Variants in ANKRD44 observed in about 807,000 individuals in gnomAD.
The protein encoded by ANKRD44 is serine/threonine-protein phosphatase 6 regulatory ankyrin repeat subunit B.
ANKRD44 carries 35 observed loss-of-function variants against 116.0 expected under a neutral mutation model. The observed-to-expected ratio is 0.30, with a 90% confidence interval of 0.23 to 0.40. ANKRD44 has a LOEUF of 0.40. Among genes scored for constraint, ANKRD44 ranks in the 10% least tolerant of loss-of-function variants. ANKRD44 has a pLI of 1.00. For synonymous variants in ANKRD44, 435 were observed against 461.8 expected, an observed-to-expected ratio of 0.94 and a Z score of 0.74; for missense variants, 1,014 against 1,242.6, an observed-to-expected ratio of 0.82 and a Z score of 2.77.
At position 197,293,636 on chromosome 2, in the gene ANKRD44, A is replaced by G. The variant is rs2083633572; in HGVS notation, c.27+16942T>C. 2.0e-5 allele frequency among the ~76,000 whole-genome samples: 3 copies of G among 152,326 alleles called. No individual in the cohort carries two copies. In the South Asian group the frequency reaches 6.2e-4, roughly 32 times the overall value. ...GAATTTTGGGGATGAGGGCATGGGA[A>G]AGCCTTAGTATTTCAGGATTATTAC... On this transcript the variant is annotated intron_variant, in intron 1 of 27. Transcript: ENST00000282272.
chr2:197,305,967 T>TATATA lies in ANKRD44; in HGVS notation c.27+4610_27+4611insTATAT, dbSNP rs2084057380. ...TTTCCTATAATGACCGCAGTTCGTT[T>TATATA]TATATATATATATATATATATATAT... On this transcript the variant is annotated intron_variant, in intron 1 of 27. Transcript: ENST00000282272. Among the ~76,000 whole-genome samples, 1,073 of 124,722 alleles carry TATATA rather than the reference T, an allele frequency of 8.6e-3. 33 individuals carry two copies. The highest frequency in any genetic ancestry group is 0.036 in the African/African-American group (1,004 of 27,526). The allele number at this position is 124,722 out of a possible 152,430, so 81.8% of individuals were successfully genotyped here. A position where few individuals can be genotyped will look rare whatever the true frequency, so the allele number is the denominator to read the frequency against.
intron 1 of ANKRD44, among the ~76,000 whole-genome samples, chr2:197,211,653 CA>C (rs1439068106): frequency 6.6e-6 from 1 of 152,052 alleles, no homozygotes; most frequent in Non-Finnish European, 1.5e-5. Context: ...GTACATTTCT[CA>C]GGGGTACCAC....
intron 16 of ANKRD44, among the ~76,000 whole-genome samples, chr2:197,075,216 AG>A (rs1164489953): frequency 5.3e-5 from 8 of 152,224 alleles, no homozygotes; most frequent in Non-Finnish European, 1.2e-4. Context: ...AAAGCCTCAA[AG>A]ATCTTTATGT....
At chr2:197,289,039 T>A (rs1341145803) in intron 1 of ANKRD44, among the ~76,000 whole-genome samples, 1 of 152,188 alleles carries the variant, frequency 6.6e-6, no homozygotes, top group Non-Finnish European at 1.5e-5. Context: ...TATTTCAAAG[T>A]AACTAGAAGA....
At chr2:197,005,047 A>G (rs2076178240) in intron 21 of ANKRD44, among the ~76,000 whole-genome samples, 1 of 152,138 alleles carries the variant, frequency 6.6e-6, no homozygotes, top group South Asian at 2.1e-4. Context: ...CAAAAAATAT[A>G]CACATTAATT....
Position 197,086,160 on chromosome 2 carries a change from T to C in ANKRD44, c.1316+520A>G, listed in dbSNP as rs547625745. The stretch of plus-strand genomic sequence containing the variant: ...AAAGAGATGCAATGGGAAAAAAAAT[T>C]ATATATATACATGAAAAATATATAT... On this transcript the variant is annotated intron_variant, in intron 13 of 27. Transcript: ENST00000282272. Among the ~76,000 whole-genome samples, 16 of 151,864 alleles carry C rather than the reference T, an allele frequency of 1.1e-4. 1 individual carries two copies. The East Asian group carries it at 3.1e-3, about 29-fold the overall frequency.
At chr2:197,284,386 T>C (rs1486758150) in intron 1 of ANKRD44, among the ~76,000 whole-genome samples, 2 of 152,004 alleles carry the variant, frequency 1.3e-5, no homozygotes, top group Admixed American at 6.6e-5. Context: ...TTTTCCCAAT[T>C]CTTAGAAGGA....
chr2:197,252,737 T>A (rs2082351261), intron 1 of ANKRD44, among the ~76,000 whole-genome samples: 1 of 152,172 alleles, frequency 6.6e-6, no homozygotes. Flanking sequence ...GCTGCAAAAT[T>A]CTCTTTTTAA....
intron 1 of ANKRD44, among the ~76,000 whole-genome samples, chr2:197,295,296 C>A (rs1043456418): frequency 6.6e-6 from 1 of 152,128 alleles, no homozygotes; most frequent in Admixed American, 6.6e-5. Context: ...CAAATTTTTT[C>A]CTGTAAAAGG....
At chr2:197,131,122 G>A (rs1309319940) in intron 4 of ANKRD44, among the ~76,000 whole-genome samples, 1 of 152,106 alleles carries the variant, frequency 6.6e-6, no homozygotes, top group Admixed American at 6.6e-5. Flanking sequence ...CGTCTCGAAG[G>A]GTGGATCAGA....
chr2:197,130,235 C>A (rs954332166), intron 4 of ANKRD44, among the ~76,000 whole-genome samples: 8 of 152,114 alleles, frequency 5.3e-5, no homozygotes, highest in African/African-American at 1.9e-4. Context: ...TCTAAAAGTA[C>A]CAAAGTACCA....
At chr2:197,241,746 T>G (rs1039258089) in intron 1 of ANKRD44, among the ~76,000 whole-genome samples, 2 of 152,118 alleles carry the variant, frequency 1.3e-5, no homozygotes, top group Non-Finnish European at 2.9e-5. Flanking sequence ...TATGCCTCCA[T>G]TGTGCCAGGT....
At chr2:197,239,075 C>T (rs6757063) in intron 1 of ANKRD44, among the ~76,000 whole-genome samples, 7,101 of 152,248 alleles carry the variant, frequency 0.047, 559 homozygotes, top group African/African-American at 0.16. Flanking sequence ...GCTTCTACTT[C>T]ATGATCCACA....
chr2:197,158,939 T>C (rs1374914209), intron 2 of ANKRD44, among the ~76,000 whole-genome samples: 1 of 151,746 alleles, frequency 6.6e-6, no homozygotes, highest in Non-Finnish European at 1.5e-5. Context: ...TCTATTACAG[T>C]AGACTAATGC....
At chr2:197,068,024 T>C (rs1423275724) in intron 16 of ANKRD44, among the ~76,000 whole-genome samples, 1 of 146,456 alleles carries the variant, frequency 6.8e-6, no homozygotes, top group Non-Finnish European at 1.5e-5. Flanking sequence ...TGGAATACTA[T>C]GCAGCCATAA....
At chr2:197,098,060 T>C (rs111773101) in intron 10 of ANKRD44, among the ~76,000 whole-genome samples, 9 of 152,320 alleles carry the variant, frequency 5.9e-5, no homozygotes, top group African/African-American at 1.9e-4. Flanking sequence ...CCCATAATTA[T>C]GTCCATCTAG....
intron 16 of ANKRD44, among the ~76,000 whole-genome samples, chr2:197,049,432 G>A (rs1043189446): frequency 6.6e-6 from 1 of 152,072 alleles, no homozygotes; most frequent in African/African-American, 2.4e-5. Context: ...GAGGGTAACT[G>A]GAGACTTCTG....
At chr2:197,154,636 C>G (rs2079761608) in intron 2 of ANKRD44, among the ~76,000 whole-genome samples, 1 of 152,132 alleles carries the variant, frequency 6.6e-6, no homozygotes, top group South Asian at 2.1e-4. Context: ...TTTAATTCAA[C>G]TTTCAATGAA....
rs117837826 is a variant in ANKRD44, at chr2:197,105,772, C to G, written c.985+4994G>C. ...TGATGGTAGCTTTGGAGACAGGCAG[C>G]CACCTCGTCCCCACAGATACCTCAG... On this transcript the variant is annotated intron_variant, in intron 9 of 27. Transcript: ENST00000282272. 4.1e-4 allele frequency among the ~76,000 whole-genome samples: 62 copies of G among 152,290 alleles called. 1 individual carries two copies. In the East Asian group the frequency reaches 0.01, roughly 25 times the overall value.
Sources: allele counts gnomAD v4.1 joint callset (sites outside exome capture counted in the v4.1 genomes callset), GRCh38; gene constraint gnomAD v4.1.1; transcripts MANE v1.5; gene names NCBI Gene and HGNC (gene_info 2026-07-23, HGNC 2026-07-21).